The following KDM4C variants were observed in gnomAD, a reference collection of about 807,000 sequenced individuals.
KDM4C encodes lysine-specific demethylase 4C.
KDM4C carries 81 observed loss-of-function variants against 129.3 expected under a neutral mutation model. The observed-to-expected ratio is 0.63, with a 90% CI of 0.52 to 0.75. The LOEUF (loss-of-function observed/expected upper bound fraction) is 0.75, where lower values mean the gene tolerates loss of function less well. Among genes scored for constraint, KDM4C ranks in the 30% least tolerant of loss-of-function variants. KDM4C has a pLI of 0.00. For missense variants in KDM4C, 1,457 were observed against 1,304.0 expected (o/e 1.12, Z -1.81); for synonymous variants, 573 against 456.1 (o/e 1.26, Z -3.26).
intron 1 of KDM4C, among the ~76,000 whole-genome samples, chr9:6,763,624 A>C (rs1563950747): frequency 6.6e-6 from 1 of 152,160 alleles, no homozygotes; most frequent in Non-Finnish European, 1.5e-5. Flanking sequence ...ATTTTCTCCT[A>C]TGAATCAGTG....
intron 17 of KDM4C, among the ~76,000 whole-genome samples, chr9:7,075,889 G>A (rs1833853038): frequency 6.6e-6 from 1 of 151,910 alleles, no homozygotes; most frequent in Admixed American, 6.6e-5. Flanking sequence ...CCATTCTGAG[G>A]ATTTTTATTT....
intron 8 of KDM4C, chr9:6,974,812 C>T (rs990584490): frequency 2.0e-5 from 3 of 152,130 alleles, no homozygotes; most frequent in Admixed American, 6.5e-5. Flanking sequence ...GAATTCAGAA[C>T]AAAACAACTT....
intron 5 of KDM4C, among the ~76,000 whole-genome samples, chr9:6,857,109 T>G (rs937783113): frequency 6.6e-6 from 1 of 152,280 alleles, no homozygotes; most frequent in African/African-American, 2.4e-5. Context: ...TCCTCCTGCC[T>G]TGGCCCCCCG....
At chr9:6,899,837 A>C (rs1817094952) in intron 8 of KDM4C, among the ~76,000 whole-genome samples, 1 of 152,188 alleles carries the variant, frequency 6.6e-6, no homozygotes, top group Non-Finnish European at 1.5e-5. Flanking sequence ...CATTTGCTGC[A>C]TTATGGGATT....
At chr9:6,754,157 T>C (rs1351688234), upstream of KDM4C, among the ~76,000 whole-genome samples, 1 of 152,060 alleles carries the variant, frequency 6.6e-6, no homozygotes, top group African/African-American at 2.4e-5. Flanking sequence ...ATTATAGGCG[T>C]GAGCTACCGA....
chr9:6,797,118 A>C (rs1469576737), intron 2 of KDM4C, among the ~76,000 whole-genome samples: 1 of 151,952 alleles, frequency 6.6e-6, no homozygotes, highest in East Asian at 1.9e-4. Flanking sequence ...CAGCCTCCCA[A>C]GTAGCTGGGA....
intron 4 of KDM4C, among the ~76,000 whole-genome samples, chr9:6,837,854 ATTTTAT>A (rs566012151): frequency 5.9e-5 from 9 of 152,106 alleles, no homozygotes; most frequent in African/African-American, 2.2e-4. Context: ...GATTTTTACT[ATTTTAT>A]TTAGTTTTTT....
At position 6,952,046 on chromosome 9, in the gene KDM4C, C is replaced by G. The variant is rs574583958; in HGVS notation, c.922-28879C>G. On this transcript the variant is annotated intron_variant, in intron 8 of 21. Transcript: ENST00000381309. ...AATAACCAGAGTTTATAAGGCTGAACTTAAATGGGCTTAAAAAATACATTG... is the reference window on the plus strand; with the variant it reads ...AATAACCAGAGTTTATAAGGCTGAAGTTAAATGGGCTTAAAAAATACATTG... Among the ~76,000 whole-genome samples the G allele has an allele frequency of 8.6e-4, 131 of 152,042 alleles. 1 individual carries two copies. The highest frequency in any genetic ancestry group is 6.8e-3 in the Middle Eastern group (2 of 294).
chr9:7,073,888 A>G (rs893627860), intron 17 of KDM4C, among the ~76,000 whole-genome samples: 5 of 152,180 alleles, frequency 3.3e-5, no homozygotes, highest in Middle Eastern at 3.2e-3. Context: ...AGAGAGACGC[A>G]TACATCTATC....
intron 1 of KDM4C, among the ~76,000 whole-genome samples, chr9:6,782,723 G>C (rs1212703309): frequency 6.6e-6 from 1 of 152,106 alleles, no homozygotes; most frequent in East Asian, 1.9e-4. Flanking sequence ...GCTCCATACT[G>C]GAACGATATT....
chr9:6,964,828 C>T (rs1439148587), intron 8 of KDM4C, among the ~76,000 whole-genome samples: 1 of 147,972 alleles, frequency 6.8e-6, no homozygotes, highest in Admixed American at 6.8e-5. Context: ...GTAGCACATG[C>T]CTGTAATCCC....
intron 19 of KDM4C, among the ~76,000 whole-genome samples, chr9:7,161,625 G>C (rs1427504560): frequency 3.3e-5 from 5 of 152,190 alleles, no homozygotes; most frequent in Non-Finnish European, 7.3e-5. Context: ...GGTTTAGTGT[G>C]ACAGGCCTCA....
intron 18 of KDM4C, among the ~76,000 whole-genome samples, chr9:7,126,670 C>G (rs1217428474): frequency 1.3e-5 from 2 of 152,200 alleles, no homozygotes; most frequent in Middle Eastern, 3.4e-3. Context: ...ATTGTTCCAT[C>G]TACTGGAAAG....
intron 14 of KDM4C, 192 bp downstream of exon 14, chr9:7,014,193 G>C (rs1385976233): frequency 1.8e-6 from 1 of 552,074 alleles, no homozygotes; most frequent in Non-Finnish European, 3.2e-6. Context: ...CCACTTTCAT[G>C]TAGTATCCGT....
At chr9:7,132,459 A>G (rs912401718) in intron 19 of KDM4C, among the ~76,000 whole-genome samples, 2 of 152,220 alleles carry the variant, frequency 1.3e-5, no homozygotes, top group African/African-American at 2.4e-5. Context: ...TTTCTGTGCT[A>G]GCCAGAAAAA....
rs116278385 is a variant in KDM4C, at chr9:6,806,749, G to A, written c.320+975G>A. On this transcript the variant is annotated intron_variant, in intron 3 of 21. Coordinates refer to ENST00000381309, the MANE Select transcript of KDM4C (RefSeq NM_015061.6). Reference sequence around the variant, plus strand: ...TCCTCAGTTCCTTGTCATATGGACTGCTCTTCATGTCATGGCAGCTGGCTT... The same window carrying A: ...TCCTCAGTTCCTTGTCATATGGACTACTCTTCATGTCATGGCAGCTGGCTT... Among the ~76,000 whole-genome samples the A allele has an allele frequency of 4.4e-3, 674 of 152,178 alleles. 6 individuals are homozygous for A. Among genetic ancestry groups the A allele is most frequent in the African/African-American group, 0.016 (651 of 41,528 alleles).
chr9:6,796,145 C>G (rs773189745), intron 2 of KDM4C, among the ~76,000 whole-genome samples: 1 of 151,398 alleles, frequency 6.6e-6, no homozygotes, highest in Admixed American at 6.6e-5. Context: ...GTTAGCTCAT[C>G]AAAAAAAAAT....
intron 8 of KDM4C, among the ~76,000 whole-genome samples, chr9:6,915,655 G>T (rs1480882506): frequency 6.6e-6 from 1 of 152,120 alleles, no homozygotes; most frequent in Non-Finnish European, 1.5e-5. Flanking sequence ...GACTGCTTTT[G>T]TTTTTCTTTC....
At chr9:7,128,457 T>G (rs1840263820) in intron 19 of KDM4C, among the ~76,000 whole-genome samples, 2 of 152,154 alleles carry the variant, frequency 1.3e-5, no homozygotes, top group Non-Finnish European at 2.9e-5. Context: ...GGAGCAGCCC[T>G]CACGACCTAA....
Sources: allele counts gnomAD v4.1 joint callset (sites outside exome capture counted in the v4.1 genomes callset), GRCh38; gene constraint gnomAD v4.1.1; transcripts MANE v1.5; gene names NCBI Gene and HGNC (gene_info 2026-07-23, HGNC 2026-07-21).